IRAK2: variants seen among roughly 807,000 people sequenced by gnomAD.
IRAK2 encodes the protein interleukin-1 receptor-associated kinase-like 2.
A neutral mutation model predicts 72.0 loss-of-function variants in IRAK2; 57 were observed. That is an observed-to-expected ratio of 0.79 (90% CI 0.64 to 0.99). The LOEUF (loss-of-function observed/expected upper bound fraction) is 0.99, where lower values mean the gene tolerates loss of function less well. Among genes scored for constraint, IRAK2 ranks in the 50% least tolerant of loss-of-function variants. The probability of loss-of-function intolerance (pLI) is 0.00; values close to 1 mark genes in which losing one functional copy is unlikely to be tolerated. For synonymous variants in IRAK2, 293 were observed against 312.7 expected, an observed-to-expected ratio of 0.94 and a Z score of 0.67; for missense variants, 790 against 794.4, an observed-to-expected ratio of 0.99 and a Z score of 0.07.
intron 1 of IRAK2, among the ~76,000 whole-genome samples, chr3:10,177,462 G>A (rs1283265324): frequency 6.6e-6 from 1 of 152,140 alleles, no homozygotes; most frequent in African/African-American, 2.4e-5. Context: ...AAGTAACAGT[G>A]AACCAAACAG....
chr3:10,180,546 G>A (rs561513282), intron 2 of IRAK2, among the ~76,000 whole-genome samples: 1 of 152,222 alleles, frequency 6.6e-6, no homozygotes, highest in East Asian at 1.9e-4. Context: ...ATGTGCAAGG[G>A]CCCTGAGGAG....
chr3:10,231,997 G>A (rs895093702), intron 10 of IRAK2, among the ~76,000 whole-genome samples: 1 of 152,074 alleles, frequency 6.6e-6, no homozygotes, highest in African/African-American at 2.4e-5. Context: ...CATGGTGGCG[G>A]GTGCCTGTAG....
chr3:10,207,386 G>C (rs563040796), intron 3 of IRAK2, among the ~76,000 whole-genome samples: 8 of 152,176 alleles, frequency 5.3e-5, no homozygotes, highest in Non-Finnish European at 1.2e-4. Context: ...GGAAGGGTCA[G>C]GTCCCCAGTT....
chr3:10,180,429 T>TA (rs963032602), intron 2 of IRAK2, among the ~76,000 whole-genome samples: 3 of 152,054 alleles, frequency 2.0e-5, no homozygotes, highest in African/African-American at 7.2e-5. Flanking sequence ...GGGAGCCTCC[T>TA]AGGACAGGGG....
intron 9 of IRAK2, 54 bp downstream of exon 9, chr3:10,222,885 A>G (rs1284505343): frequency 2.0e-6 from 3 of 1,491,652 alleles, no homozygotes; most frequent in East Asian, 2.3e-5. Context: ...TGTCCTTCCC[A>G]CGGCTCCTTT....
At chr3:10,188,705 T>C (rs1238559526) in intron 2 of IRAK2, among the ~76,000 whole-genome samples, 1 of 152,240 alleles carries the variant, frequency 6.6e-6, no homozygotes, top group Admixed American at 6.5e-5. Context: ...TTTGTATTTT[T>C]AGTAGAGACA....
intron 1 of IRAK2, among the ~76,000 whole-genome samples, chr3:10,173,296 A>C (rs1235230973): frequency 7.4e-6 from 1 of 136,040 alleles, no homozygotes; most frequent in East Asian, 1.9e-4. Context: ...ACTTTCGCAC[A>C]TGTTTTCATA....
chr3:10,172,039 C>T lies in IRAK2; in HGVS notation c.95-5799C>T, dbSNP rs2125139897. On this transcript the variant is annotated intron_variant, in intron 1 of 12. Coordinates refer to ENST00000256458, the MANE Select transcript of IRAK2 (RefSeq NM_001570.4). ...GACCACGAGGTCAGGAGTTCGAAACCAGCCTGGCCAACATGGTGAAACTCT... is the reference window on the plus strand; with the variant it reads ...GACCACGAGGTCAGGAGTTCGAAACTAGCCTGGCCAACATGGTGAAACTCT... Among the ~76,000 whole-genome samples, 2 of 152,140 alleles carry T rather than the reference C, an allele frequency of 1.3e-5. 1 individual carries two copies. The highest frequency in any genetic ancestry group is 4.2e-4 in the South Asian group (2 of 4,818).
intron 12 of IRAK2, among the ~76,000 whole-genome samples, chr3:10,240,227 C>T (rs373688112): frequency 1.7e-4 from 25 of 151,010 alleles, no homozygotes; most frequent in Admixed American, 5.9e-4. Context: ...GAGGCTGAGG[C>T]GGGCAGATCA....
At chr3:10,185,855 C>T (rs1334186013) in intron 2 of IRAK2, among the ~76,000 whole-genome samples, 4 of 150,992 alleles carry the variant, frequency 2.6e-5, no homozygotes, top group Non-Finnish European at 4.4e-5. Context: ...CCATCCTGGG[C>T]GACAGACTAC....
intron 2 of IRAK2, among the ~76,000 whole-genome samples, chr3:10,196,278 C>T (rs1439393546): frequency 6.6e-6 from 1 of 152,206 alleles, no homozygotes; most frequent in African/African-American, 2.4e-5. Flanking sequence ...CCACGCCTGG[C>T]TAATTTTTGT....
At chr3:10,180,478 AT>A in intron 2 of IRAK2, among the ~76,000 whole-genome samples, 1 of 152,224 alleles carries the variant, frequency 6.6e-6, no homozygotes, top group South Asian at 2.1e-4. Context: ...ACCTAGAGGA[AT>A]AGGAAGAAGA....
intron 11 of IRAK2, among the ~76,000 whole-genome samples, chr3:10,236,342 G>GTT (rs34423993): frequency 0.025 from 2,489 of 99,576 alleles, 59 homozygotes; most frequent in East Asian, 0.055. Flanking sequence ...AGCCACTAAG[G>GTT]TTTTTTTTTT....
At chr3:10,171,374 C>G (rs1696792335) in intron 1 of IRAK2, among the ~76,000 whole-genome samples, 1 of 152,080 alleles carries the variant, frequency 6.6e-6, no homozygotes, top group Non-Finnish European at 1.5e-5. Context: ...TGCTGAGAGG[C>G]TTAGGAGACT....
At position 10,164,962 on chromosome 3, in the gene IRAK2, G is replaced by T. The variant is rs773490044; in HGVS notation, c.8G>T (p.Cys3Phe). The T allele has an allele frequency of 5.6e-6, 9 of 1,610,092 alleles. No homozygotes were observed. Among genetic ancestry groups the T allele is most frequent in the Non-Finnish European group, 6.8e-6 (8 of 1,178,996 alleles). Residue 3 changes from cysteine to phenylalanine, a missense_variant, in exon 1 of 13, where the codon TGC becomes TTC. Cys to Phe is a radical substitution (Grantham distance 205, BLOSUM62 -2). Coordinates refer to ENST00000256458, the MANE Select transcript of IRAK2 (RefSeq NM_001570.4). The stretch of plus-strand genomic sequence containing the variant: ...CCGGCCCCGTAGCGTGCCATGGCCT[G>T]CTACATCTACCAGCTGCCCTCCTGG... MA[C>F]YIYQLPSWVL...
Position 10,222,839 on chromosome 3 carries a change from T to C in IRAK2, c.1209+8T>C. The C allele has an allele frequency of 1.2e-6, 2 of 1,612,776 alleles. No homozygotes were observed. The highest frequency in any genetic ancestry group is 1.7e-6 in the Non-Finnish European group (2 of 1,178,922). On this transcript the variant is annotated splice_region_variant and intron_variant, in intron 9 of 12. Coordinates refer to ENST00000256458, the MANE Select transcript of IRAK2 (RefSeq NM_001570.4). ...ATCTTCAGCTGTGGAATAGTAAGAG[T>C]GTCCTGCTCTGCGTAGAGTGGGGCC...
intron 3 of IRAK2, among the ~76,000 whole-genome samples, chr3:10,202,149 A>T (rs1697369325): frequency 6.6e-6 from 1 of 152,162 alleles, no homozygotes; most frequent in South Asian, 2.1e-4. Flanking sequence ...CCTGTAGCTA[A>T]ATATATGTAT....
intron 2 of IRAK2, among the ~76,000 whole-genome samples, chr3:10,196,074 C>T (rs569992222): frequency 6.6e-6 from 1 of 152,184 alleles, no homozygotes; most frequent in Non-Finnish European, 1.5e-5. Flanking sequence ...AGCACTCACC[C>T]CGACATTGTT....
chr3:10,167,489 A>T (rs561783453), intron 1 of IRAK2, among the ~76,000 whole-genome samples: 3 of 150,454 alleles, frequency 2.0e-5, no homozygotes, highest in Admixed American at 6.7e-5. Context: ...ATCTCGGCTC[A>T]CTGCAAGCTC....
Sources: allele counts gnomAD v4.1 joint callset (sites outside exome capture counted in the v4.1 genomes callset), GRCh38; gene constraint gnomAD v4.1.1; transcripts MANE v1.5; gene names NCBI Gene and HGNC (gene_info 2026-07-23, HGNC 2026-07-21).